NRXN3: variants seen among roughly 807,000 people sequenced by gnomAD.
NRXN3 encodes the protein neurexin 3.
Under a neutral mutation model 137.6 loss-of-function variants are expected in NRXN3, and 32 were observed. The observed-to-expected ratio is 0.23, with a 90% CI of 0.18 to 0.31. NRXN3 has a LOEUF of 0.31. Ranked by LOEUF, NRXN3 falls within the 10% of genes least tolerant of loss-of-function variation. The pLI, the probability that NRXN3 is intolerant of heterozygous loss-of-function variation, is 1.00. For missense variants in NRXN3, 1,574 were observed against 2,062.5 expected, an observed-to-expected ratio of 0.76 and a Z score of 4.59; for synonymous variants, 798 against 784.5, an observed-to-expected ratio of 1.02 and a Z score of -0.29.
At position 79,683,001 on chromosome 14, in the gene NRXN3, C is replaced by T. The variant is rs1312344062; in HGVS notation, c.3617-9172C>T. On this transcript the variant is annotated intron_variant, in intron 17 of 20. Transcript: ENST00000335750. ...AATAAATAAGAAAATCCAGTCCCCT[C>T]CCACCCCTCACACGGTGAGGAAATG... Among the ~76,000 whole-genome samples, 5 of 152,224 alleles carry T rather than the reference C, an allele frequency of 3.3e-5. No homozygotes were observed. In the East Asian group the frequency reaches 9.7e-4, roughly 29 times the overall value.
At chr14:79,171,753 A>G (rs941515319) in intron 15 of NRXN3, among the ~76,000 whole-genome samples, 2 of 152,156 alleles carry the variant, frequency 1.3e-5, no homozygotes, top group African/African-American at 4.8e-5. Flanking sequence ...CAAAAGAAAT[A>G]GGCCCTACAT....
chr14:78,791,941 A>G (rs1416805792), intron 8 of NRXN3, among the ~76,000 whole-genome samples: 1 of 152,176 alleles, frequency 6.6e-6, no homozygotes, highest in African/African-American at 2.4e-5. Flanking sequence ...GCAAGAAGTC[A>G]ACGAAACTGT....
intron 4 of NRXN3, chr14:78,300,600 GCTCT>G: frequency 9.7e-7 from 1 of 1,036,052 alleles, no homozygotes; most frequent in Admixed American, 2.1e-5. Context: ...GACTCTCCTT[GCTCT>G]CTCTCTGTCT....
At position 78,651,242 on chromosome 14, in the gene NRXN3, C is replaced by T. The variant is rs1208723291; in HGVS notation, c.1137C>T (p.Asp379=). The T allele has an allele frequency of 1.2e-6, 2 of 1,614,086 alleles. No individual in the cohort carries two copies. Among genetic ancestry groups the T allele is most frequent in the Non-Finnish European group, 1.7e-6 (2 of 1,179,978 alleles). The stretch of plus-strand genomic sequence containing the variant: ...ACTATACCATGCTGGGCTCGGACGA[C>T]TTCTTCTATGTAGGAGGAAGCCCAA... ...QEDYTMLGSD[D]FFYVGGSPST... Residue 379 remains aspartate, a synonymous_variant, in exon 6 of 21, where the codon GAC becomes GAT. Transcript: ENST00000335750.
intron 10 of NRXN3, among the ~76,000 whole-genome samples, chr14:78,917,980 A>T (rs1399221576): frequency 2.8e-5 from 4 of 140,628 alleles, no homozygotes; most frequent in South Asian, 2.2e-4. Context: ...ATAAAAAAAT[A>T]AAAAAATGAA....
intron 16 of NRXN3, among the ~76,000 whole-genome samples, chr14:79,622,360 A>G (rs1166107758): frequency 2.0e-5 from 3 of 152,192 alleles, no homozygotes; most frequent in African/African-American, 7.2e-5. Context: ...AGAACTTCAT[A>G]GGTGGTTTAT....
chr14:79,213,705 G>C (rs780728518), intron 15 of NRXN3, among the ~76,000 whole-genome samples: 1 of 151,670 alleles, frequency 6.6e-6, no homozygotes, highest in Non-Finnish European at 1.5e-5. Flanking sequence ...TTGCCTTTCC[G>C]GGCCTTGATC....
At chr14:79,473,991 T>G (rs1004726824) in intron 16 of NRXN3, among the ~76,000 whole-genome samples, 7 of 152,176 alleles carry the variant, frequency 4.6e-5, no homozygotes, top group African/African-American at 1.7e-4. Context: ...GTGTGTTTTC[T>G]CAGATCTCTA....
chr14:79,761,161 T>C (rs906761637), intron 19 of NRXN3, among the ~76,000 whole-genome samples: 12 of 151,694 alleles, frequency 7.9e-5, no homozygotes, highest in African/African-American at 2.9e-4. Context: ...AATATTTGTC[T>C]TCTGTTGTTG....
At chr14:78,319,234 C>A (rs1194059715) in intron 4 of NRXN3, among the ~76,000 whole-genome samples, 1 of 152,190 alleles carries the variant, frequency 6.6e-6, no homozygotes, top group Non-Finnish European at 1.5e-5. Flanking sequence ...CACGCAAGTG[C>A]CTGCTGAAAC....
intron 20 of NRXN3, among the ~76,000 whole-genome samples, chr14:79,860,334 G>T (rs1034964539): frequency 4.6e-5 from 7 of 152,182 alleles, no homozygotes; most frequent in Non-Finnish European, 1.0e-4. Flanking sequence ...TGAAAGCAAT[G>T]CATACAAATA....
At chr14:78,693,850 G>T (rs2098198809) in intron 6 of NRXN3, among the ~76,000 whole-genome samples, 2 of 151,766 alleles carry the variant, frequency 1.3e-5, no homozygotes, top group Admixed American at 6.6e-5. Context: ...TTCTACATCA[G>T]CTGGATGCAG....
At chr14:78,535,064 A>C (rs915652236) in intron 4 of NRXN3, among the ~76,000 whole-genome samples, 1 of 152,092 alleles carries the variant, frequency 6.6e-6, no homozygotes, top group Non-Finnish European at 1.5e-5. Flanking sequence ...AATTGTGTGT[A>C]ATGAGCAAAT....
chr14:78,447,388 C>T (rs1233545265), intron 4 of NRXN3, among the ~76,000 whole-genome samples: 2 of 152,240 alleles, frequency 1.3e-5, no homozygotes, highest in African/African-American at 2.4e-5. Flanking sequence ...GGCCTAATAA[C>T]ATATAATGCA....
intron 15 of NRXN3, among the ~76,000 whole-genome samples, chr14:79,140,105 T>C (rs184445115): frequency 6.6e-6 from 1 of 152,250 alleles, no homozygotes; most frequent in East Asian, 1.9e-4. Flanking sequence ...CAAACCCATT[T>C]GTTTCATTAT....
Position 79,023,705 on chromosome 14 carries a change from G to A in NRXN3, c.3262+35564G>A, listed in dbSNP as rs116519990. 7.0e-3 allele frequency among the ~76,000 whole-genome samples: 1,071 copies of A among 152,182 alleles called. 13 individuals carry two copies. The highest frequency in any genetic ancestry group is 0.024 in the African/African-American group (1,012 of 41,532). On this transcript the variant is annotated intron_variant, in intron 15 of 20. Transcript: ENST00000335750. ...CAAGGCGACAGGAAGGAGAAGTGCC[G>A]AGCAAAGGGGAAAGGCCCCTTAGAA... is the stretch of plus-strand genomic sequence containing the variant.
At chr14:78,917,655 A>G (rs2099259153) in intron 10 of NRXN3, among the ~76,000 whole-genome samples, 1 of 152,010 alleles carries the variant, frequency 6.6e-6, no homozygotes, top group Non-Finnish European at 1.5e-5. Context: ...CAAGATCTGG[A>G]GTGGAGTGGT....
chr14:79,075,469 G>T (rs1443957769), intron 15 of NRXN3, among the ~76,000 whole-genome samples: 1 of 152,114 alleles, frequency 6.6e-6, no homozygotes, highest in Non-Finnish European at 1.5e-5. Context: ...CCAATTCAGA[G>T]ATTCAGAAGA....
At chr14:78,349,186 C>T (rs928540987) in intron 4 of NRXN3, among the ~76,000 whole-genome samples, 2 of 152,266 alleles carry the variant, frequency 1.3e-5, no homozygotes, top group Admixed American at 6.5e-5. Context: ...TTAGAACATG[C>T]GTGAAATGAG....
Sources: allele counts gnomAD v4.1 joint callset (sites outside exome capture counted in the v4.1 genomes callset), GRCh38; gene constraint gnomAD v4.1.1; transcripts MANE v1.5; gene names NCBI Gene and HGNC (gene_info 2026-07-23, HGNC 2026-07-21).